The following SEMA3A variants were observed in gnomAD, a reference collection of about 807,000 sequenced individuals.
SEMA3A encodes the protein semaphorin-3A.
In SEMA3A, 29 loss-of-function variants were observed where a neutral mutation model predicts 97.9. The ratio of observed to expected loss-of-function variants is 0.30; its 90% CI spans 0.22 to 0.40. The LOEUF (loss-of-function observed/expected upper bound fraction) is 0.40. SEMA3A is among the 10% of genes least tolerant of loss of function. SEMA3A has a pLI of 1.00. For synonymous variants in SEMA3A, 321 were observed against 323.7 expected, an observed-to-expected ratio of 0.99 and a Z score of 0.09; for missense variants, 763 against 951.3, an observed-to-expected ratio of 0.80 and a Z score of 2.60.
rs1354998993 is a variant in SEMA3A at position 84,395,025 on chromosome 7, C to T, written c.-245-23125G>A. Among the ~76,000 whole-genome samples the T allele has an allele frequency of 2.0e-5, 3 of 151,980 alleles. No individual in the cohort carries two copies. In the East Asian group the frequency reaches 5.8e-4, roughly 29 times the overall value. On this transcript the variant is annotated intron_variant, in intron 1 of 3. Transcript: ENST00000424555. ...AGAAGACATAAGATAAAGCCTTGGA[C>T]ATGCTTAAAGTAAGGGATAAGATAG...
intron 1 of SEMA3A, among the ~76,000 whole-genome samples, chr7:84,150,454 T>C (rs1231175015): frequency 1.3e-5 from 2 of 152,204 alleles, no homozygotes; most frequent in Non-Finnish European, 2.9e-5. Flanking sequence ...GGGAGTTCCC[T>C]TTCCTAATCA....
chr7:84,309,741 T>C (rs1335307195), intron 2 of SEMA3A, among the ~76,000 whole-genome samples: 1 of 152,192 alleles, frequency 6.6e-6, no homozygotes, highest in African/African-American at 2.4e-5. Context: ...TGGTAATATT[T>C]TATCTGAGAC....
chr7:84,427,634 A>G (rs1189849439), intron 1 of SEMA3A, among the ~76,000 whole-genome samples: 5 of 113,774 alleles, frequency 4.4e-5, no homozygotes, highest in African/African-American at 1.7e-4. Flanking sequence ...TGGGAGACAG[A>G]GTGAGATTCT....
chr7:84,038,313 G>C (rs1029368065), intron 6 of SEMA3A, among the ~76,000 whole-genome samples: 1 of 152,006 alleles, frequency 6.6e-6, no homozygotes, highest in African/African-American at 2.4e-5. Context: ...TAATGAGACT[G>C]TGCATTTTAC....
rs1284844135 is a variant in SEMA3A, at chr7:84,095,342, T to TATG, written c.453+15127_453+15128insCAT. Among the ~76,000 whole-genome samples the TATG allele has an allele frequency of 2.0e-3, 265 of 131,624 alleles. 7 individuals are homozygous for TATG. Among genetic ancestry groups the TATG allele is most frequent in the Non-Finnish European group, 2.7e-3 (170 of 63,264 alleles). The allele number at this position is 131,624 out of a possible 152,430, so 86.4% of individuals were successfully genotyped here. On this transcript the variant is annotated intron_variant, in intron 4 of 16. Transcript: ENST00000265362. ...TGGCATTATATATATTATATATATT[T>TATG]TATATTTTTTATATACATATATATA...
intron 1 of SEMA3A, among the ~76,000 whole-genome samples, chr7:84,157,112 C>T (rs961443192): frequency 6.6e-6 from 1 of 152,070 alleles, no homozygotes; most frequent in African/African-American, 2.4e-5. Context: ...AATATATGCA[C>T]GAGTAAAAAT....
intron 3 of SEMA3A, among the ~76,000 whole-genome samples, chr7:84,205,404 T>C (rs950840462): frequency 2.8e-4 from 42 of 152,334 alleles, no homozygotes; most frequent in Middle Eastern, 6.8e-3. Context: ...TTTGGTATCA[T>C]TGTTAAAATA....
chr7:84,448,143 G>A (rs1267108163), intron 1 of SEMA3A, among the ~76,000 whole-genome samples: 4 of 152,168 alleles, frequency 2.6e-5, no homozygotes, highest in African/African-American at 7.2e-5. Flanking sequence ...ACTGTGAGCC[G>A]TGCACAGCCT....
chr7:84,046,418 T>G lies in SEMA3A; in HGVS notation c.573A>C (p.Ala191=). ...CAAAGTCTCGCCCCATAAAATCAGC[T>G]GCAGTTCCAGAGTATAATTCTCCAT... ...LIDGELYSGT[A]ADFMGRDFAI... The change falls in exon 6 of 17, where the codon GCA becomes GCC. Residue 191 remains alanine, a synonymous_variant. Transcript: ENST00000265362. 2 of 1,613,052 alleles carry G rather than the reference T, an allele frequency of 1.2e-6. No homozygotes were observed. Among genetic ancestry groups the G allele is most frequent in the South Asian group, 2.2e-5 (2 of 91,058 alleles).
intron 3 of SEMA3A, among the ~76,000 whole-genome samples, chr7:84,299,273 TCTCC>T (rs1302646052): frequency 2.1e-5 from 3 of 141,374 alleles, no homozygotes; most frequent in African/African-American, 8.0e-5. Flanking sequence ...CATATATATA[TCTCC>T]ATATATATAT....
At chr7:84,481,422 C>G (rs1806442631) in intron 1 of SEMA3A, among the ~76,000 whole-genome samples, 1 of 152,060 alleles carries the variant, frequency 6.6e-6, no homozygotes, top group Non-Finnish European at 1.5e-5. Flanking sequence ...TATTATTCAT[C>G]CAAATTGAAA....
intron 3 of SEMA3A, among the ~76,000 whole-genome samples, chr7:84,274,654 G>T (rs1284499126): frequency 2.0e-5 from 3 of 151,978 alleles, no homozygotes; most frequent in Non-Finnish European, 4.4e-5. Context: ...GTACTCTACT[G>T]TACTTATAAA....
At chr7:84,477,438 C>CAAAA (rs11335984) in intron 1 of SEMA3A, among the ~76,000 whole-genome samples, 3 of 42,364 alleles carry the variant, frequency 7.1e-5, no homozygotes, top group Non-Finnish European at 1.1e-4. Flanking sequence ...GACTCTGTCT[C>CAAAA]AAAAAAAAAA....
At chr7:83,977,890 G>A (rs1309649292) in intron 14 of SEMA3A, among the ~76,000 whole-genome samples, 8 of 147,774 alleles carry the variant, frequency 5.4e-5, no homozygotes, top group Non-Finnish European at 1.0e-4. Context: ...TGCAAGCTCC[G>A]CCTCCCGGGT....
intron 1 of SEMA3A, among the ~76,000 whole-genome samples, chr7:84,429,516 T>TTTTATA (rs1554385260): frequency 0.018 from 1,292 of 72,398 alleles, 160 homozygotes; most frequent in African/African-American, 0.081. Context: ...ATAGAGTTTG[T>TTTTATA]TATATATATA....
intron 6 of SEMA3A, among the ~76,000 whole-genome samples, chr7:84,029,890 G>C (rs988083529): frequency 1.3e-5 from 2 of 151,154 alleles, no homozygotes; most frequent in African/African-American, 4.9e-5. Flanking sequence ...TTAAAGACAC[G>C]AAGACAAAAC....
intron 2 of SEMA3A, among the ~76,000 whole-genome samples, chr7:84,344,817 C>A (rs983570393): frequency 6.6e-6 from 1 of 152,130 alleles, no homozygotes; most frequent in Admixed American, 6.6e-5. Flanking sequence ...TTAGCACACT[C>A]AGCATTAAGT....
Position 84,147,867 on chromosome 7 carries a change from T to A in SEMA3A, c.113-12916A>T, listed in dbSNP as rs538309534. On this transcript the variant is annotated intron_variant, in intron 1 of 16. Transcript: ENST00000265362. Reference sequence around the variant, plus strand: ...AAATAGTTGTTTACCTCAGAGGTTATTTTTTTCTCTTTTTCTTACTCTCAC... The same window carrying A: ...AAATAGTTGTTTACCTCAGAGGTTAATTTTTTCTCTTTTTCTTACTCTCAC... Among the ~76,000 whole-genome samples, 128 of 152,208 alleles carry A rather than the reference T, an allele frequency of 8.4e-4. 1 individual carries two copies. In the Middle Eastern group the frequency reaches 0.017, roughly 20 times the overall value.
chr7:84,383,272 A>G (rs1803315622), intron 1 of SEMA3A, among the ~76,000 whole-genome samples: 1 of 152,166 alleles, frequency 6.6e-6, no homozygotes, highest in Admixed American at 6.5e-5. Flanking sequence ...AGAATATTAC[A>G]TAATTTGGAT....
Sources: allele counts gnomAD v4.1 joint callset (sites outside exome capture counted in the v4.1 genomes callset), GRCh38; gene constraint gnomAD v4.1.1; transcripts MANE v1.5; gene names NCBI Gene and HGNC (gene_info 2026-07-23, HGNC 2026-07-21).